Variants in CTNNA3 observed in about 807,000 individuals in gnomAD.
CTNNA3 encodes catenin alpha-3.
CTNNA3 carries 76 observed loss-of-function variants against 95.7 expected under a neutral mutation model. The observed-to-expected ratio is 0.79, with a 90% confidence interval of 0.66 to 0.96. The LOEUF is 0.96. Ranked by LOEUF, CTNNA3 falls within the 40% of genes least tolerant of loss-of-function variation. The pLI, the probability that CTNNA3 is intolerant of heterozygous loss-of-function variation, is 0.00. For missense variants in CTNNA3, 1,191 were observed against 1,089.8 expected (o/e 1.09, Z -1.31); for synonymous variants, 431 against 374.4 (o/e 1.15, Z -1.74).
intron 11 of CTNNA3, among the ~76,000 whole-genome samples, chr10:66,515,403 T>A (rs1429001265): frequency 6.6e-6 from 1 of 151,820 alleles, no homozygotes; most frequent in African/African-American, 2.4e-5. Context: ...AGAGGTTAAA[T>A]GCTTATAAAA....
At chr10:67,636,900 C>G (rs1452240026) in intron 2 of CTNNA3, among the ~76,000 whole-genome samples, 1 of 152,058 alleles carries the variant, frequency 6.6e-6, no homozygotes, top group Admixed American at 6.6e-5. Context: ...TAGATAAAAC[C>G]ACAAAGATGG....
intron 9 of CTNNA3, among the ~76,000 whole-genome samples, chr10:66,711,418 G>A (rs912128828): frequency 1.3e-5 from 2 of 151,938 alleles, no homozygotes; most frequent in African/African-American, 4.8e-5. Context: ...CTCTAATAAT[G>A]TATCTTCCTA....
chr10:66,385,999 G>T (rs878922231), intron 11 of CTNNA3, among the ~76,000 whole-genome samples: 1 of 152,100 alleles, frequency 6.6e-6, no homozygotes, highest in East Asian at 1.9e-4. Flanking sequence ...TACTGAATGG[G>T]CAAAAACTGG....
chr10:65,969,294 T>C (rs1453905361), intron 16 of CTNNA3, among the ~76,000 whole-genome samples: 1 of 152,100 alleles, frequency 6.6e-6, no homozygotes, highest in Non-Finnish European at 1.5e-5. Context: ...TCTGCACAAA[T>C]ATAATTACAA....
intron 15 of CTNNA3, among the ~76,000 whole-genome samples, chr10:65,994,734 A>G (rs1486450177): frequency 1.3e-5 from 2 of 152,128 alleles, no homozygotes; most frequent in African/African-American, 4.8e-5. Context: ...TCATTTTACT[A>G]AATAGATTTT....
chr10:66,898,214 C>T (rs1564750845), intron 7 of CTNNA3, among the ~76,000 whole-genome samples: 1 of 152,150 alleles, frequency 6.6e-6, no homozygotes, highest in Non-Finnish European at 1.5e-5. Flanking sequence ...GAACCAATCA[C>T]TTATCATTAG....
At chr10:66,661,379 G>C (rs1423901375) in intron 9 of CTNNA3, among the ~76,000 whole-genome samples, 1 of 152,062 alleles carries the variant, frequency 6.6e-6, no homozygotes, top group Non-Finnish European at 1.5e-5. Context: ...TCGCTATCAC[G>C]AGAATAGCAT....
chr10:66,784,029 C>T (rs996151665), intron 7 of CTNNA3, among the ~76,000 whole-genome samples: 2 of 152,056 alleles, frequency 1.3e-5, no homozygotes, highest in African/African-American at 4.8e-5. Context: ...AAACTTAGAA[C>T]AGATAGACTT....
At chr10:67,231,979 C>T (rs530799704) in intron 5 of CTNNA3, among the ~76,000 whole-genome samples, 26 of 152,094 alleles carry the variant, frequency 1.7e-4, no homozygotes, top group South Asian at 1.7e-3. Context: ...TAAAAAGAAA[C>T]GAGCAAAGCC....
At chr10:66,156,443 G>A (rs1421849009) in intron 13 of CTNNA3, among the ~76,000 whole-genome samples, 2 of 151,954 alleles carry the variant, frequency 1.3e-5, no homozygotes, top group East Asian at 3.9e-4. Flanking sequence ...TGAATATACA[G>A]TTAAAATTAG....
intron 10 of CTNNA3, among the ~76,000 whole-genome samples, chr10:66,590,860 T>C (rs1589461190): frequency 6.6e-6 from 1 of 152,098 alleles, no homozygotes; most frequent in South Asian, 2.1e-4. Context: ...ATGGCTTATA[T>C]ATGTGCAGAT....
In CTNNA3 at chr10:67,146,418, T is replaced by C. The variant is rs1589793577; in HGVS notation, c.1047+33899A>G. Among the ~76,000 whole-genome samples, 3 of 152,296 alleles carry C rather than the reference T, an allele frequency of 2.0e-5. No individual in the cohort carries two copies. In the East Asian group the frequency reaches 5.8e-4, roughly 29 times the overall value. On this transcript the variant is annotated intron_variant, in intron 7 of 17. Coordinates refer to ENST00000433211, the MANE Select transcript of CTNNA3 (RefSeq NM_013266.4). ...GATTCAAATATGAGCATACTCGTATTCTCCTTGCTTCAGGAATCTAGACGA... is the reference window on the plus strand; with the variant it reads ...GATTCAAATATGAGCATACTCGTATCCTCCTTGCTTCAGGAATCTAGACGA...
intron 13 of CTNNA3, among the ~76,000 whole-genome samples, chr10:66,127,271 C>CAAA (rs35884096): frequency 2.4e-4 from 18 of 74,112 alleles, no homozygotes; most frequent in African/African-American, 5.1e-4. Flanking sequence ...GACTCTGTCT[C>CAAA]AAAAAAAAAA....
At chr10:66,299,833 C>T (rs1181163982) in intron 12 of CTNNA3, among the ~76,000 whole-genome samples, 1 of 152,080 alleles carries the variant, frequency 6.6e-6, no homozygotes, top group African/African-American at 2.4e-5. Flanking sequence ...GAAATTTGAA[C>T]AACTAAGAAT....
intron 2 of CTNNA3, among the ~76,000 whole-genome samples, chr10:67,623,567 T>G (rs1311085739): frequency 6.6e-6 from 1 of 152,128 alleles, no homozygotes; most frequent in African/African-American, 2.4e-5. Context: ...AGGACTGGCC[T>G]TGACTCTAGT....
rs1226520776 is a variant in CTNNA3 at position 66,199,805 on chromosome 10, ATTTTTTTTTTTT to A, written c.1884+80653_1884+80664del. Among the ~76,000 whole-genome samples, 5 of 14,284 alleles carry A rather than the reference ATTTTTTTTTTTT, an allele frequency of 3.5e-4. No individual in the cohort carries two copies. The South Asian group carries it at 9.7e-3, about 28-fold the overall frequency. The allele number at this position is 14,284 out of a possible 152,430, so 9.4% of individuals were successfully genotyped here. On this transcript the variant is annotated intron_variant, in intron 13 of 17. Coordinates refer to ENST00000433211, the MANE Select transcript of CTNNA3 (RefSeq NM_013266.4). ...TATATATATATATATATATATATAT[ATTTTTTTTTTTT>A]TTTTTTTTTTTTTTTTAGTAGAGAT... is the stretch of plus-strand genomic sequence containing the variant.
chr10:67,317,518 C>T (rs1237464833), intron 5 of CTNNA3, among the ~76,000 whole-genome samples: 3 of 151,950 alleles, frequency 2.0e-5, no homozygotes, highest in East Asian at 1.9e-4. Flanking sequence ...CTCCGCCTTC[C>T]GGGTTCAAAC....
intron 15 of CTNNA3, among the ~76,000 whole-genome samples, chr10:65,997,536 T>A (rs773995587): frequency 2.0e-5 from 3 of 152,174 alleles, no homozygotes; most frequent in Non-Finnish European, 2.9e-5. Context: ...GTTATGTCAC[T>A]TAAACATCAT....
chr10:66,067,009 T>A (rs2080327076), intron 15 of CTNNA3, among the ~76,000 whole-genome samples: 1 of 151,874 alleles, frequency 6.6e-6, no homozygotes, highest in South Asian at 2.1e-4. Context: ...AAAAAAAATA[T>A]ACGCCAAAAT....
Sources: allele counts gnomAD v4.1 joint callset (sites outside exome capture counted in the v4.1 genomes callset), GRCh38; gene constraint gnomAD v4.1.1; transcripts MANE v1.5; gene names NCBI Gene and HGNC (gene_info 2026-07-23, HGNC 2026-07-21).